Variants in CLN6 observed in about 807,000 individuals in gnomAD.
CLN6 encodes the protein ceroid-lipofuscinosis neuronal protein 6.
A neutral mutation model predicts 33.3 loss-of-function variants in CLN6; 22 were observed. The ratio of observed to expected loss-of-function variants is 0.66; its 90% confidence interval spans 0.47 to 0.94. The LOEUF (loss-of-function observed/expected upper bound fraction) is 0.94. CLN6 is among the 40% of genes least tolerant of loss of function. CLN6 has a pLI of 0.00. For missense variants in CLN6, 387 were observed against 417.1 expected (o/e 0.93, Z 0.63); for synonymous variants, 201 against 174.6 (o/e 1.15, Z -1.19).
intron 1 of CLN6, among the ~76,000 whole-genome samples, chr15:68,243,115 T>C (rs1338875757): frequency 6.6e-6 from 1 of 152,216 alleles, no homozygotes; most frequent in Admixed American, 6.5e-5. Context: ...TAATTTTGTC[T>C]AGTTCAGAGG....
At chr15:68,229,930 C>G (rs2093265459), upstream of CLN6, among the ~76,000 whole-genome samples, 1 of 152,166 alleles carries the variant, frequency 6.6e-6, no homozygotes, top group African/African-American at 2.4e-5. Flanking sequence ...CCTTGCCTGC[C>G]TGGGTACGGG....
chr15:68,220,193 A>G lies in CLN6; in HGVS notation c.84-1543T>C, dbSNP rs2093231689. On this transcript the variant is annotated intron_variant, in intron 1 of 6. Transcript: ENST00000249806. The surrounding 1 kb of genome is among the most constrained non-coding windows in gnomAD (Gnocchi z 4.2). ...TGGGTAGGCCTTCCCTAGGTCAGCT[A>G]AGTCTTCCTGTCCCCTCTACTCGGT... Among the ~76,000 whole-genome samples the G allele has an allele frequency of 6.6e-6, 1 of 152,136 alleles. No homozygotes were observed. Among genetic ancestry groups the G allele is most frequent in the East Asian group, 1.9e-4 (1 of 5,190 alleles).
rs932369998 is a variant in CLN6 at position 68,219,059 on chromosome 15, T to A, written c.84-409A>T. On this transcript the variant is annotated intron_variant, in intron 1 of 6. Transcript: ENST00000249806. This position sits in a 1 kb window ranked among gnomAD's most constrained non-coding sequence, Gnocchi z 4.2. ...TACTGTTAGCTGTTTACATGTATTATCTCATTTAATCCTCACAGAAACCTT... is the reference window on the plus strand; with the variant it reads ...TACTGTTAGCTGTTTACATGTATTAACTCATTTAATCCTCACAGAAACCTT... 6.6e-6 allele frequency among the ~76,000 whole-genome samples: 1 copy of A among 152,220 alleles called. No individual in the cohort carries two copies. Among genetic ancestry groups the A allele is most frequent in the Non-Finnish European group, 1.5e-5 (1 of 68,044 alleles).
chr15:68,241,000 A>C (rs1466204124), intron 1 of CLN6, among the ~76,000 whole-genome samples: 5 of 150,958 alleles, frequency 3.3e-5, no homozygotes. Context: ...AAAAAAAACA[A>C]AAAAAAAAAC....
chr15:68,221,159 G>A (rs1006418153), intron 1 of CLN6, among the ~76,000 whole-genome samples: 8 of 151,972 alleles, frequency 5.3e-5, no homozygotes, highest in East Asian at 3.9e-4. Context: ...CCAACAGCTT[G>A]CTATTCTGTT....
chr15:68,214,316 C>T lies in CLN6; in HGVS notation c.271G>A (p.Val91Ile), dbSNP rs140519790. The T allele has an allele frequency of 2.2e-5, 35 of 1,613,852 alleles. No homozygotes were observed. Among genetic ancestry groups the T allele is most frequent in the African/African-American group, 1.6e-4 (12 of 75,046 alleles). The change falls in exon 3 of 7, where the codon GTC becomes ATC. Residue 91 changes from valine to isoleucine, a missense_variant. Val to Ile is a conservative substitution (Grantham distance 29). Coordinates refer to ENST00000249806, the MANE Select transcript of CLN6 (RefSeq NM_017882.3). ...TTGAGCAAGAGAAAGGGCGTGATGA[C>T]GTTGTAGGCCATGTGGAAGTAGTCC... ...VGDYFHMAYNVITPFLLLKLI... is the reference protein window; with the variant it reads ...VGDYFHMAYNIITPFLLLKLI...
intron 1 of CLN6, chr15:68,254,747 C>T: frequency 2.6e-6 from 2 of 768,314 alleles, no homozygotes; most frequent in Non-Finnish European, 4.7e-6. Flanking sequence ...AAAGCCAGAG[C>T]CCAAACCTAA....
Position 68,238,050 on chromosome 15 carries a change from G to T in CLN6, c.179+18640C>A, listed in dbSNP as rs149871552. On this transcript the variant is annotated intron_variant, in intron 1 of 6. Coordinates refer to the CLN6 transcript ENST00000538696. ...AGGCAGGAGAATTACTTGAACCCAGGAGGCAGAGGTTGCAGTGAGCCAAGA... is the reference window on the plus strand; with the variant it reads ...AGGCAGGAGAATTACTTGAACCCAGTAGGCAGAGGTTGCAGTGAGCCAAGA... Among the ~76,000 whole-genome samples the T allele has an allele frequency of 4.1e-4, 62 of 151,852 alleles. 1 individual carries two copies. In the East Asian group the frequency reaches 9.5e-3, roughly 23 times the overall value.
At chr15:68,251,967 CTTTTTT>C (rs35907860) in intron 1 of CLN6, among the ~76,000 whole-genome samples, 4 of 71,892 alleles carry the variant, frequency 5.6e-5, no homozygotes, top group Admixed American at 4.0e-4. Flanking sequence ...ATGTGTGAAT[CTTTTTT>C]TTTTTTTTTT....
rs1458941194 is a variant in CLN6, at chr15:68,209,767, A to G, written c.543-8T>C. The G allele has an allele frequency of 1.2e-6, 2 of 1,612,766 alleles. No individual in the cohort carries two copies. Among genetic ancestry groups the G allele is most frequent in the East Asian group, 4.5e-5 (2 of 44,860 alleles). On this transcript the variant is annotated splice_polypyrimidine_tract_variant and splice_region_variant and intron_variant, in intron 5 of 6. Coordinates refer to ENST00000249806, the MANE Select transcript of CLN6 (RefSeq NM_017882.3). This position sits in a 1 kb window ranked among gnomAD's most constrained non-coding sequence, Gnocchi z 4.9. ...AGGAAGAAGGGGATGTACCTGTGACAGGAAGGCCAGTGTCTTAGAGGCCTG... is the reference window on the plus strand; with the variant it reads ...AGGAAGAAGGGGATGTACCTGTGACGGGAAGGCCAGTGTCTTAGAGGCCTG...
At chr15:68,235,516 G>A (rs893218701) in intron 1 of CLN6, among the ~76,000 whole-genome samples, 29 of 151,072 alleles carry the variant, frequency 1.9e-4, no homozygotes, top group African/African-American at 7.1e-4. Context: ...ATTGCATTGA[G>A]CCGAGATCGT....
chr15:68,255,065 A>AT (rs940993654), intron 1 of CLN6: 10 of 592,710 alleles, frequency 1.7e-5, no homozygotes, highest in African/African-American at 1.3e-4. Flanking sequence ...GGAAAGGGGC[A>AT]TATGTCACTA....
intron 1 of CLN6, among the ~76,000 whole-genome samples, chr15:68,249,911 T>C (rs985355231): frequency 8.5e-5 from 13 of 152,290 alleles, no homozygotes; most frequent in African/African-American, 2.2e-4. Flanking sequence ...TAGCTGGGAT[T>C]ACAGGTGCGA....
upstream of CLN6, chr15:68,229,767 A>AGCGGATCGGAGGGAGGCGGG: frequency 3.1e-6 from 1 of 317,896 alleles, no homozygotes. Flanking sequence ...AGCGGAGCGG[A>AGCGGATCGGAGGGAGGCGGG]GCGGAGCGGA....
intron 1 of CLN6, among the ~76,000 whole-genome samples, chr15:68,243,157 A>G (rs1021732384): frequency 2.0e-5 from 3 of 152,232 alleles, no homozygotes; most frequent in African/African-American, 7.2e-5. Flanking sequence ...TAAAAGAGTA[A>G]TGGAACAAAA....
intron 1 of CLN6, among the ~76,000 whole-genome samples, chr15:68,224,554 A>G (rs896179309): frequency 1.3e-5 from 2 of 148,574 alleles, no homozygotes; most frequent in Non-Finnish European, 3.0e-5. Flanking sequence ...CCTCACAGGC[A>G]GAGGTTGCAG....
Position 68,245,985 on chromosome 15 carries a change from A to G in CLN6, c.179+10705T>C, listed in dbSNP as rs576127520. Among the ~76,000 whole-genome samples the G allele has an allele frequency of 1.1e-4, 17 of 152,310 alleles. No homozygotes were observed. In the South Asian group the frequency reaches 3.5e-3, roughly 32 times the overall value. On this transcript the variant is annotated intron_variant, in intron 1 of 6. Transcript: ENST00000538696. ...AAGTGACAAAGAAGATCAATATATA[A>G]TGATAAAGGGGTCAGTTTAGCAAGA...
intron 1 of CLN6, among the ~76,000 whole-genome samples, chr15:68,250,133 A>T (rs1272919118): frequency 6.6e-6 from 1 of 152,202 alleles, no homozygotes; most frequent in Non-Finnish European, 1.5e-5. Context: ...TAAAGAAAAG[A>T]TAAATATTTA....
rs154774637 is a variant in CLN6, at chr15:68,208,364, A to T, written c.712T>A (p.Phe238Ile). The change falls in exon 7 of 7, where the codon TTC becomes ATC. Residue 238 changes from phenylalanine to isoleucine, a missense_variant. Transcript: ENST00000249806. The surrounding 1 kb of genome is among the most constrained non-coding windows in gnomAD (Gnocchi z 5.8). ...AGGACGAGGGCCAGCATGGCGAAGA[A>T]GGTGAAGATGAAGAGGATGAAGATC... is the stretch of plus-strand genomic sequence containing the variant. ...GQIFILFIFT[F>I]FAMLALVLHQ... The T allele has an allele frequency of 3.1e-6, 5 of 1,613,906 alleles. No individual in the cohort carries two copies. The highest frequency in any genetic ancestry group is 4.2e-6 in the Non-Finnish European group (5 of 1,180,046).
Sources: gnomAD v4.1 joint callset for allele counts (sites outside exome capture counted in the v4.1 genomes callset) on GRCh38, gnomAD v4.1.1 for gene constraint, Gnocchi (gnomAD v3.1) non-coding constraint, MANE v1.5 for transcripts, NCBI Gene and HGNC (gene_info 2026-07-23, HGNC 2026-07-21) for gene names.